RIF1: variants seen among roughly 807,000 people sequenced by gnomAD.
The protein encoded by RIF1 is replication timing regulatory factor 1.
In RIF1, 45 loss-of-function variants were observed where a neutral mutation model predicts 247.1. That is an observed-to-expected ratio of 0.18 (90% confidence interval 0.14 to 0.23). The LOEUF is 0.23. Among genes scored for constraint, RIF1 ranks in the 10% least tolerant of loss-of-function variants. The pLI is 1.00. For missense variants in RIF1, 2,967 were observed against 2,862.5 expected, an observed-to-expected ratio of 1.04 and a Z score of -0.83; for synonymous variants, 1,087 against 978.8, an observed-to-expected ratio of 1.11 and a Z score of -2.06.
chr2:151,523,489 A>G, the RIF1 span, among the ~76,000 whole-genome samples: 1 of 152,256 alleles, frequency 6.6e-6, no homozygotes, highest in Non-Finnish European at 1.5e-5. Flanking sequence ...GGACAAGGAA[A>G]AAGAAGGTAG....
Position 151,409,996 on chromosome 2 carries a change from G to A in RIF1, c.-48G>A, listed in dbSNP as rs541070746. ...GCTCTGGCAGCGTCTGGGTGCTGAG[G>A]GGCAGAGGCGGAGAGAACCCTGTCC... On this transcript the variant is annotated 5_prime_UTR_variant, in exon 1 of 36. Coordinates refer to ENST00000444746, the MANE Select transcript of RIF1 (RefSeq NM_018151.5). The A allele has an allele frequency of 2.4e-5, 17 of 702,664 alleles. No individual in the cohort carries two copies. The highest frequency in any genetic ancestry group is 1.7e-5 in the African/African-American group (1 of 57,386). The allele number at this position is 702,664 out of a possible 1,614,324, so 43.5% of individuals were successfully genotyped here. A position where few individuals can be genotyped will look rare whatever the true frequency, so the allele number is the denominator to read the frequency against.
At chr2:151,506,338 G>A (rs975015081) in exon 13 of RIF1, 1 of 1,062,986 alleles carries the variant, frequency 9.4e-7, no homozygotes, top group Non-Finnish European at 1.4e-6. Flanking sequence ...TAGGACACAT[G>A]GCTTTTGTGA....
chr2:151,469,794 A>T lies in RIF1; in HGVS notation c.7025A>T (p.Lys2342Ile), dbSNP rs376026232. ...AGTACTCTTACAGCATCTGAAATAA[A>T]AACTCTTCCTATCCGTTCTCCAAAA... Reference protein sequence around the residue: ...DLSTLTASEIKTLPIRSPKVS... With the variant: ...DLSTLTASEIITLPIRSPKVS... Residue 2342 changes from lysine to isoleucine, a missense_variant, in exon 34 of 36, where the codon AAA becomes ATA. Lys to Ile is a moderately radical substitution (Grantham distance 102). This residue lies in a region of RIF1 where 151 missense variants were observed against 163.4 expected (regional missense o/e 0.92). Coordinates refer to ENST00000444746, the MANE Select transcript of RIF1 (RefSeq NM_018151.5). The T allele has an allele frequency of 6.2e-7, 1 of 1,612,250 alleles. No individual in the cohort carries two copies. The highest frequency in any genetic ancestry group is 8.5e-7 in the Non-Finnish European group (1 of 1,178,768).
rs762703859 is a variant in RIF1, at chr2:151,455,117, C to T, written c.2567C>T (p.Ala856Val). ...CCTTCTATGATCCGAAAAATATTTGCAACTTTAACAAGACCTCTGGCATTA... is the reference window on the plus strand; with the variant it reads ...CCTTCTATGATCCGAAAAATATTTGTAACTTTAACAAGACCTCTGGCATTA... ...SLPSMIRKIF[A>V]TLTRPLALFY... The change falls in exon 22 of 36, where the codon GCA (alanine) becomes GTA (valine). Residue 856 changes from alanine to valine, a missense_variant. Transcript: ENST00000444746. The T allele has an allele frequency of 6.2e-7, 1 of 1,612,630 alleles. No individual in the cohort carries two copies. The highest frequency in any genetic ancestry group is 1.7e-5 in the Admixed American group (1 of 59,856).
Position 151,433,213 on chromosome 2 carries a change from T to A in RIF1, c.1062T>A (p.Pro354=), listed in dbSNP as rs758033472. ...YLLMRLGPHL[P]ANFEQVCVPL... is the part of the protein sequence containing the mutation. ...TGATGAGACTTGGACCTCATCTTCCTGCTAATTTTGAACAGGTAACATTAC... is the reference window on the plus strand; with the variant it reads ...TGATGAGACTTGGACCTCATCTTCCAGCTAATTTTGAACAGGTAACATTAC... The change falls in exon 10 of 36, where the codon CCT becomes CCA. Residue 354 remains proline, a synonymous_variant. Coordinates refer to ENST00000444746, the MANE Select transcript of RIF1 (RefSeq NM_018151.5). 38 of 1,612,270 alleles carry A rather than the reference T, an allele frequency of 2.4e-5. No individual in the cohort carries two copies. The highest frequency in any genetic ancestry group is 3.2e-5 in the Non-Finnish European group (38 of 1,178,942).
intron 13 of RIF1, among the ~76,000 whole-genome samples, chr2:151,438,399 G>T (rs988229418): frequency 1.3e-5 from 2 of 152,140 alleles, no homozygotes; most frequent in Non-Finnish European, 2.9e-5. Flanking sequence ...GACTGCTTGA[G>T]CCCAGGTTGT....
chr2:151,450,168 A>G (rs1446577938), intron 20 of RIF1, among the ~76,000 whole-genome samples: 2 of 151,372 alleles, frequency 1.3e-5, no homozygotes, highest in African/African-American at 2.4e-5. Flanking sequence ...TTTTTTTTTA[A>G]TAGCACCAGG....
At chr2:151,526,197 C>T in the RIF1 span, 2 of 1,613,960 alleles carry the variant, frequency 1.2e-6, no homozygotes, top group East Asian at 4.5e-5. Flanking sequence ...CCAGCAGGAT[C>T]TGAGGCGTGT....
At chr2:151,493,971 G>GT in intron 9 of RIF1, 2 of 913,824 alleles carry the variant, frequency 2.2e-6, no homozygotes, top group South Asian at 3.4e-5. Flanking sequence ...ATTACTATTA[G>GT]TGAGAACACC....
rs1004673330 is a variant in RIF1, at chr2:151,428,772, T to C, written c.787-12T>C. 6.3e-7 allele frequency: 1 copy of C among 1,587,308 alleles called. No individual in the cohort carries two copies. The highest frequency in any genetic ancestry group is 1.3e-5 in the African/African-American group (1 of 74,324). On this transcript the variant is annotated splice_polypyrimidine_tract_variant and intron_variant, in intron 8 of 35. Coordinates refer to ENST00000444746, the MANE Select transcript of RIF1 (RefSeq NM_018151.5). Reference sequence around the variant, plus strand: ...GATAAATAACTTCTTAATGATTTTTTCCCCTTTTTAGACCTTGCATCGAAG... The same window carrying C: ...GATAAATAACTTCTTAATGATTTTTCCCCCTTTTTAGACCTTGCATCGAAG...
At chr2:151,525,298 A>G in the RIF1 span, 14 of 1,504,888 alleles carry the variant, frequency 9.3e-6, no homozygotes, top group African/African-American at 1.2e-4. Context: ...AATTACTTTT[A>G]TGAGTAGAGG....
the RIF1 span, chr2:151,514,560 G>A: frequency 2.7e-6 from 2 of 754,344 alleles, no homozygotes; most frequent in Non-Finnish European, 4.6e-6. Context: ...ATGAATACAG[G>A]CAGGGTATAA....
intron 11 of RIF1, among the ~76,000 whole-genome samples, chr2:151,436,606 CAT>C (rs201380510): frequency 0.014 from 2,043 of 150,986 alleles, 31 homozygotes; most frequent in Non-Finnish European, 0.018. Flanking sequence ...CATTGAAAGA[CAT>C]ATGATATACA....
chr2:151,430,542 G>A (rs535298654), intron 9 of RIF1, among the ~76,000 whole-genome samples: 17 of 152,160 alleles, frequency 1.1e-4, no homozygotes, highest in Non-Finnish European at 2.2e-4. Flanking sequence ...GGCTGGTCTC[G>A]AACTTCTGAC....
intron 13 of RIF1, among the ~76,000 whole-genome samples, chr2:151,437,826 G>A (rs1691529923): frequency 6.6e-6 from 1 of 152,194 alleles, no homozygotes; most frequent in Non-Finnish European, 1.5e-5. Context: ...TTACAAATGA[G>A]AAAATGGGTT....
chr2:151,501,119 T>C (rs1359020893), intron 11 of RIF1, among the ~76,000 whole-genome samples: 1 of 152,112 alleles, frequency 6.6e-6, no homozygotes, highest in African/African-American at 2.4e-5. Flanking sequence ...TGGTTTTTCT[T>C]TTCTGGAAAT....
Position 151,480,492 on chromosome 2 carries a change from T to C in RIF1, c.*5421T>C, listed in dbSNP as rs1024072223. Reference sequence around the variant, plus strand: ...TACTTCAGAAATAGCTGATAGCCTATAGTCTCTGAGAGCTATTCTGTACAT... The same window carrying C: ...TACTTCAGAAATAGCTGATAGCCTACAGTCTCTGAGAGCTATTCTGTACAT... On this transcript the variant is annotated 3_prime_UTR_variant, in exon 36 of 36. Transcript: ENST00000444746. 3 of 152,194 alleles carry C rather than the reference T, an allele frequency of 2.0e-5. No homozygotes were observed. Among genetic ancestry groups the C allele is most frequent in the African/African-American group, 7.2e-5 (3 of 41,470 alleles). 9.4% of individuals were successfully genotyped at this position (152,194 alleles called of 1,614,324 possible). A position where few individuals can be genotyped will look rare whatever the true frequency, so the allele number is the denominator to read the frequency against.
chr2:151,483,801 C>T (rs1283513298), downstream of RIF1, among the ~76,000 whole-genome samples: 1 of 152,134 alleles, frequency 6.6e-6, no homozygotes, highest in Non-Finnish European at 1.5e-5. Flanking sequence ...TGCCTCCTGT[C>T]AGCTCACTGG....
At chr2:151,506,176 T>C (rs774440917) in intron 12 of RIF1, 5 of 1,610,936 alleles carry the variant, frequency 3.1e-6, no homozygotes, top group Admixed American at 3.3e-5. Flanking sequence ...CGAGCTAATG[T>C]GGTCCTGTGT....
Sources: gnomAD v4.1 joint callset for allele counts (sites outside exome capture counted in the v4.1 genomes callset) on GRCh38, gnomAD v4.1.1 for gene constraint, gnomAD v4.1.1 regional missense constraint, MANE v1.5 for transcripts, NCBI Gene and HGNC (gene_info 2026-07-23, HGNC 2026-07-21) for gene names.